ZNF541: variants seen among roughly 807,000 people sequenced by gnomAD.
The protein encoded by ZNF541 is zinc finger protein 541.
ZNF541 carries 23 observed loss-of-function variants against 123.5 expected under a neutral mutation model. The ratio of observed to expected loss-of-function variants is 0.19; its 90% CI spans 0.13 to 0.26. The LOEUF is 0.26. ZNF541 is among the 10% of genes least tolerant of loss of function. ZNF541 has a pLI of 1.00. For synonymous variants in ZNF541, 751 were observed against 754.5 expected (o/e 1.00, Z 0.08); for missense variants, 1,612 against 1,789.9 (o/e 0.90, Z 1.79).
chr19:47,531,477 A>T (rs1388248514), intron 12 of ZNF541, among the ~76,000 whole-genome samples, 165 bp downstream of exon 12: 1 of 151,970 alleles, frequency 6.6e-6, no homozygotes, highest in Non-Finnish European at 1.5e-5. Context: ...ATTCCCCTAC[A>T]GTCCGTGCAC....
At chr19:47,531,599 T>C (rs1969575540) in intron 12 of ZNF541, 43 bp downstream of exon 12, 1 of 1,472,580 alleles carries the variant, frequency 6.8e-7, no homozygotes, top group Non-Finnish European at 9.2e-7. Context: ...CCTAGAACCC[T>C]GGGCCCCAGG....
At position 47,555,508 on chromosome 19, in the gene ZNF541, C is replaced by T. The variant is rs908793653; in HGVS notation, c.307+42G>A. 39 of 1,481,550 alleles carry T rather than the reference C, an allele frequency of 2.6e-5. No individual in the cohort carries two copies. The East Asian group carries it at 4.5e-4, about 17-fold the overall frequency. 91.8% of individuals were successfully genotyped at this position (1,481,550 alleles called of 1,614,324 possible). On this transcript the variant is annotated intron_variant, in intron 3 of 16. Transcript: ENST00000391901. ...GTCCCTAGCTGGCCACAGAAACTGT[C>T]GAACATCCTGCAGGGCCCTTCTACC...
At chr19:47,530,466 G>A (rs750308938) in intron 12 of ZNF541, among the ~76,000 whole-genome samples, 7 of 151,582 alleles carry the variant, frequency 4.6e-5, no homozygotes, top group Non-Finnish European at 1.0e-4. Flanking sequence ...GATTACAGGC[G>A]TGAGCCATGC....
chr19:47,550,944 C>G (rs1433726005), intron 3 of ZNF541, among the ~76,000 whole-genome samples: 1 of 152,154 alleles, frequency 6.6e-6, no homozygotes, highest in Non-Finnish European at 1.5e-5. Context: ...AGTTCCCATT[C>G]TGGCACTCAC....
chr19:47,521,094 T>G lies in ZNF541; in HGVS notation c.*130A>C, dbSNP rs2122811150. 1 of 1,194,880 alleles carries G rather than the reference T, an allele frequency of 8.4e-7. No individual in the cohort carries two copies. The highest frequency in any genetic ancestry group is 1.6e-5 in the South Asian group (1 of 64,064). The allele number at this position is 1,194,880 out of a possible 1,614,324, so 74.0% of individuals were successfully genotyped here. A position where few individuals can be genotyped will look rare whatever the true frequency, so the allele number is the denominator to read the frequency against. On this transcript the variant is annotated 3_prime_UTR_variant, in exon 17 of 17. Coordinates refer to ENST00000391901, the MANE Select transcript of ZNF541 (RefSeq NM_001277075.3). This position sits in a 1 kb window ranked among gnomAD's most constrained non-coding sequence, Gnocchi z 4.2. ...ATCTGTGGCCAAATGCCCTCCATGT[T>G]TGCAGGCAGGTTGGCCAACAGGGGA...
intron 1 of ZNF541, among the ~76,000 whole-genome samples, 153 bp downstream of exon 1, chr19:47,572,930 C>A (rs1463061803): frequency 6.6e-6 from 1 of 151,540 alleles, no homozygotes; most frequent in Non-Finnish European, 1.5e-5. Flanking sequence ...GCGCCTGCTG[C>A]GCCCCTCGAA....
At chr19:47,528,789 G>C (rs896399380) in intron 14 of ZNF541, among the ~76,000 whole-genome samples, 161 bp downstream of exon 14, 2 of 152,180 alleles carry the variant, frequency 1.3e-5, no homozygotes, top group African/African-American at 4.8e-5. Context: ...ATCTGGAGCT[G>C]TTCATGAGGA....
chr19:47,557,650 G>C (rs776242653), intron 2 of ZNF541, among the ~76,000 whole-genome samples: 6 of 152,026 alleles, frequency 3.9e-5, no homozygotes, highest in Non-Finnish European at 7.4e-5. Flanking sequence ...GACCAGCCTG[G>C]GCAAGACAGC....
intron 3 of ZNF541, among the ~76,000 whole-genome samples, chr19:47,554,339 G>C (rs959989671): frequency 7.9e-5 from 12 of 152,310 alleles, no homozygotes; most frequent in Non-Finnish European, 1.3e-4. Context: ...GCTGAGGCGG[G>C]AGAATCACTT....
At chr19:47,546,449 T>C (rs1357541978) in intron 4 of ZNF541, among the ~76,000 whole-genome samples, 1 of 150,048 alleles carries the variant, frequency 6.7e-6, no homozygotes, top group Middle Eastern at 3.5e-3. Flanking sequence ...ATGAAGTGCA[T>C]TGCAGTGAGC....
intron 2 of ZNF541, among the ~76,000 whole-genome samples, chr19:47,564,766 A>T (rs765927756): frequency 6.6e-6 from 1 of 152,238 alleles, no homozygotes; most frequent in Non-Finnish European, 1.5e-5. Context: ...CTTAAAGAAC[A>T]AAAAGTGGAA....
chr19:47,528,817 A>G (rs1969429179), intron 14 of ZNF541, 133 bp downstream of exon 14: 1 of 655,768 alleles, frequency 1.5e-6, no homozygotes. Context: ...TTGACATTGT[A>G]AACTGTCTAC....
chr19:47,528,930 C>A lies in ZNF541; in HGVS notation c.3570+20G>T, dbSNP rs1354756166. 9.1e-6 allele frequency: 14 copies of A among 1,545,136 alleles called. No homozygotes were observed. Among genetic ancestry groups the A allele is most frequent in the Non-Finnish European group, 1.1e-5 (13 of 1,141,094 alleles). ...GCTGTGTGAGGCAGGGCCTTGGACA[C>A]CAGCCCACATTCACTTTACCATCTT... On this transcript the variant is annotated intron_variant, in intron 14 of 16. Transcript: ENST00000391901.
intron 9 of ZNF541, among the ~76,000 whole-genome samples, chr19:47,535,329 C>G (rs1296573136): frequency 1.3e-5 from 2 of 152,152 alleles, no homozygotes; most frequent in Non-Finnish European, 2.9e-5. Flanking sequence ...ACATATAACA[C>G]CACAAGAACA....
intron 14 of ZNF541, among the ~76,000 whole-genome samples, chr19:47,522,568 G>A (rs1056230556): frequency 6.6e-6 from 1 of 152,164 alleles, no homozygotes; most frequent in Admixed American, 6.5e-5. Flanking sequence ...GCTGAGGCAG[G>A]AGGACGACTT....
chr19:47,538,223 C>T lies in ZNF541; in HGVS notation c.3013G>A (p.Glu1005Lys). ...TPPPMLSPIR[E>K]GSGVYFNTLC... ...GTGTTGAAGTACACCCCAGAGCCCTCCCGGATGGGGCTGAGCATTGGGGGT... is the reference window on the plus strand; with the variant it reads ...GTGTTGAAGTACACCCCAGAGCCCTTCCGGATGGGGCTGAGCATTGGGGGT... The change falls in exon 9 of 17, where the codon GAG becomes AAG. Residue 1005 changes from glutamate (E) to lysine (K), a missense_variant. Glu to Lys is a moderately conservative substitution (Grantham distance 56). Coordinates refer to ENST00000391901, the MANE Select transcript of ZNF541 (RefSeq NM_001277075.3). The T allele has an allele frequency of 3.9e-6, 6 of 1,551,614 alleles. No individual in the cohort carries two copies. The highest frequency in any genetic ancestry group is 5.2e-6 in the Non-Finnish European group (6 of 1,146,976).
rs1346246136 is a variant in ZNF541, at chr19:47,540,281, G to C, written c.2517C>G (p.Val839=). 1 of 1,551,922 alleles carries C rather than the reference G, an allele frequency of 6.4e-7. No homozygotes were observed. The highest frequency in any genetic ancestry group is 1.4e-5 in the African/African-American group (1 of 73,068). ...AAAACATCTGGCTGCAGTTCTTGCA[G>C]ACAAAAGTGCTCCTGGGCTTCGTCC... ...TDWTKPRSTF[V]CKNCSQMFYT... The change falls in exon 7 of 17, where the codon GTC becomes GTG. Residue 839 remains valine (V), a synonymous_variant. Coordinates refer to ENST00000391901, the MANE Select transcript of ZNF541 (RefSeq NM_001277075.3).
chr19:47,525,200 G>A (rs561185719), intron 14 of ZNF541, among the ~76,000 whole-genome samples: 6 of 151,752 alleles, frequency 4.0e-5, no homozygotes, highest in Non-Finnish European at 5.9e-5. Context: ...TACGAGAATC[G>A]CTTGAACCCG....
chr19:47,540,278 G>A lies in ZNF541; in HGVS notation c.2520C>T (p.Cys840=). Residue 840 remains cysteine (C), a synonymous_variant, in exon 7 of 17, where the codon TGC becomes TGT. Coordinates refer to ENST00000391901, the MANE Select transcript of ZNF541 (RefSeq NM_001277075.3). ...DWTKPRSTFV[C]KNCSQMFYTE... ...TATAAAACATCTGGCTGCAGTTCTT[G>A]CAGACAAAAGTGCTCCTGGGCTTCG... The A allele has an allele frequency of 6.4e-7, 1 of 1,552,014 alleles. No individual in the cohort carries two copies.
Sources: gnomAD v4.1 joint callset for allele counts (sites outside exome capture counted in the v4.1 genomes callset) on GRCh38, gnomAD v4.1.1 for gene constraint, Gnocchi (gnomAD v3.1) non-coding constraint, MANE v1.5 for transcripts, NCBI Gene and HGNC (gene_info 2026-07-23, HGNC 2026-07-21) for gene names.